Variants in OLA1 observed in about 807,000 individuals in gnomAD.
OLA1 encodes obg-like ATPase 1.
Under a neutral mutation model 48.4 loss-of-function variants are expected in OLA1, and 14 were observed. The observed-to-expected ratio is 0.29, with a 90% CI of 0.19 to 0.45. The LOEUF (loss-of-function observed/expected upper bound fraction) is 0.45. Among genes scored for constraint, OLA1 ranks in the 20% least tolerant of loss-of-function variants. The pLI, the probability that OLA1 is intolerant of heterozygous loss-of-function variation, is 1.00. For missense variants in OLA1, 325 were observed against 467.1 expected (o/e 0.70, Z 2.80); for synonymous variants, 127 against 150.4 (o/e 0.84, Z 1.14).
Position 174,223,124 on chromosome 2 carries a change from A to G in OLA1, c.282T>C (p.Ala94=), listed in dbSNP as rs1246837580. The stretch of plus-strand genomic sequence containing the variant: ...CATTGTGAGCTCCTTTCACAAGGCC[A>G]GCAATATCCACCACATTTAGAAAGG... The part of the protein sequence containing the change: ...IPAFLNVVDI[A]GLVKGAHNGQ... Residue 94 remains alanine (A), a synonymous_variant, in exon 4 of 11, where the codon GCT becomes GCC. Transcript: ENST00000284719. The G allele has an allele frequency of 1.9e-6, 3 of 1,614,038 alleles. No individual in the cohort carries two copies. In the East Asian group the frequency reaches 6.7e-5, roughly 36 times the overall value.
rs76890671 is a variant in OLA1, at chr2:174,121,657, G to A, written c.728+1523C>T. Among the ~76,000 whole-genome samples the A allele has an allele frequency of 7.9e-3, 1,208 of 152,166 alleles. 17 individuals are homozygous for A. The highest frequency in any genetic ancestry group is 0.027 in the African/African-American group (1,138 of 41,514). On this transcript the variant is annotated intron_variant, in intron 7 of 10. Transcript: ENST00000284719. The stretch of plus-strand genomic sequence containing the variant: ...AATTAAAATTTGCTATTTAGACAAG[G>A]GTTTACTTTCAATTGGCTATAACCA...
In OLA1 at chr2:174,110,176, C is replaced by A. The variant is rs147608583; in HGVS notation, c.728+13004G>T. Among the ~76,000 whole-genome samples the A allele has an allele frequency of 4.1e-5, 6 of 147,490 alleles. No homozygotes were observed. The East Asian group carries it at 1.1e-3, about 27-fold the overall frequency. On this transcript the variant is annotated intron_variant, in intron 7 of 10. Transcript: ENST00000284719. ...AGTGGTGCGGCATGATCTTGGCTCA[C>A]TGCAATCTCTGCCTTTTGGGTTCGA...
chr2:174,149,627 T>C (rs1405902420), intron 4 of OLA1, among the ~76,000 whole-genome samples: 1 of 152,240 alleles, frequency 6.6e-6, no homozygotes, highest in Admixed American at 6.5e-5. Flanking sequence ...TGAGGTCCAC[T>C]CAAAACAGAT....
intron 4 of OLA1, among the ~76,000 whole-genome samples, chr2:174,197,534 CA>C (rs1042659446): frequency 7.2e-5 from 11 of 151,966 alleles, no homozygotes; most frequent in African/African-American, 2.2e-4. Context: ...CAATGAAGCC[CA>C]GGGGGGAAAA....
At chr2:174,082,242 G>A (rs886458763) in intron 7 of OLA1, among the ~76,000 whole-genome samples, 178 bp from the exon 8 acceptor site, 7 of 152,024 alleles carry the variant, frequency 4.6e-5, no homozygotes, top group Admixed American at 3.3e-4. Context: ...TCAGGTATAC[G>A]CCATAGTATT....
chr2:174,161,680 ATACACACACACACAC>A (rs1687016708), intron 4 of OLA1, among the ~76,000 whole-genome samples: 2 of 71,554 alleles, frequency 2.8e-5, no homozygotes, highest in Admixed American at 1.5e-4. Context: ...AAAAAAAAAA[ATACACACACACACAC>A]ACACACACAC....
intron 4 of OLA1, among the ~76,000 whole-genome samples, chr2:174,205,264 G>C (rs1169340355): frequency 2.6e-5 from 4 of 152,000 alleles, no homozygotes; most frequent in Non-Finnish European, 4.4e-5. Flanking sequence ...ATACAAATCA[G>C]AATTCAGCCT....
chr2:174,135,968 T>C (rs865889752), intron 5 of OLA1, among the ~76,000 whole-genome samples: 2 of 152,252 alleles, frequency 1.3e-5, no homozygotes, highest in Non-Finnish European at 2.9e-5. Flanking sequence ...AACTATATTG[T>C]AGTCTATTAA....
intron 4 of OLA1, among the ~76,000 whole-genome samples, chr2:174,160,822 T>C (rs1686992378): frequency 1.3e-5 from 2 of 152,210 alleles, no homozygotes. Context: ...GTGTGAAGTA[T>C]AGGTTAAATT....
At chr2:174,096,313 AT>A (rs967319497) in intron 7 of OLA1, among the ~76,000 whole-genome samples, 2 of 152,204 alleles carry the variant, frequency 1.3e-5, no homozygotes, top group Non-Finnish European at 2.9e-5. Context: ...CATGGGTTTC[AT>A]TTTTGGGGTG....
intron 4 of OLA1, among the ~76,000 whole-genome samples, chr2:174,220,152 T>A (rs1414971915): frequency 6.6e-6 from 1 of 151,994 alleles, no homozygotes; most frequent in African/African-American, 2.4e-5. Flanking sequence ...ATAAAATCCT[T>A]TAGATTTAAG....
intron 4 of OLA1, among the ~76,000 whole-genome samples, chr2:174,183,172 A>T (rs1296212771): frequency 2.0e-5 from 3 of 152,210 alleles, no homozygotes; most frequent in African/African-American, 7.2e-5. Flanking sequence ...ACTCCCAGAA[A>T]AAAAACACAA....
chr2:174,168,753 ATATCTATCTATC>A (rs71021675), intron 4 of OLA1, among the ~76,000 whole-genome samples: 3,605 of 146,062 alleles, frequency 0.025, 58 homozygotes, highest in South Asian at 0.061. Context: ...CACAATATGT[ATATCTATCTATC>A]TATCTATCTA....
At chr2:174,178,533 C>T (rs1412681482) in intron 4 of OLA1, among the ~76,000 whole-genome samples, 11 of 151,958 alleles carry the variant, frequency 7.2e-5, no homozygotes, top group African/African-American at 2.7e-4. Flanking sequence ...ACTTACTCTA[C>T]TTCCTTAAGA....
intron 5 of OLA1, among the ~76,000 whole-genome samples, chr2:174,132,953 T>A (rs907025953): frequency 2.6e-5 from 4 of 152,152 alleles, no homozygotes; most frequent in Non-Finnish European, 5.9e-5. Flanking sequence ...AGTACTACAG[T>A]TTTTGTTTTG....
intron 7 of OLA1, among the ~76,000 whole-genome samples, chr2:174,108,751 G>T (rs558760330): frequency 5.3e-5 from 8 of 152,220 alleles, no homozygotes; most frequent in African/African-American, 1.7e-4. Flanking sequence ...CCATCCAAGG[G>T]AATACAAAGA....
rs775836370 is a variant in OLA1, at chr2:174,075,546, G to C, written c.1090-19C>G. On this transcript the variant is annotated intron_variant, in intron 10 of 10. Transcript: ENST00000284719. Reference sequence around the variant, plus strand: ...CAGCAGCCTGCAAACAGAAAATATAGAGGAAATGGGTTATTAGTTTACAAC... The same window carrying C: ...CAGCAGCCTGCAAACAGAAAATATACAGGAAATGGGTTATTAGTTTACAAC... 6.8e-7 allele frequency: 1 copy of C among 1,466,284 alleles called. No homozygotes were observed. The highest frequency in any genetic ancestry group is 9.5e-7 in the Non-Finnish European group (1 of 1,047,722). The allele number at this position is 1,466,284 out of a possible 1,614,324, so 90.8% of individuals were successfully genotyped here.
chr2:174,183,947 A>G (rs1687601638), intron 4 of OLA1, among the ~76,000 whole-genome samples: 1 of 152,178 alleles, frequency 6.6e-6, no homozygotes, highest in East Asian at 1.9e-4. Context: ...GGGTTGAGAC[A>G]CAGGTATATT....
At chr2:174,192,523 T>A (rs921100990) in intron 4 of OLA1, among the ~76,000 whole-genome samples, 2 of 152,224 alleles carry the variant, frequency 1.3e-5, no homozygotes, top group Admixed American at 1.3e-4. Flanking sequence ...TCAAAAACCA[T>A]ATGACCCTCA....
Sources: allele counts gnomAD v4.1 joint callset (sites outside exome capture counted in the v4.1 genomes callset), GRCh38; gene constraint gnomAD v4.1.1; transcripts MANE v1.5; gene names NCBI Gene and HGNC (gene_info 2026-07-23, HGNC 2026-07-21).